RASGEF1B: variants seen among roughly 807,000 people sequenced by gnomAD.
The protein encoded by RASGEF1B is ras-GEF domain-containing family member 1B.
RASGEF1B carries 30 observed loss-of-function variants against 65.7 expected under a neutral mutation model. That is an observed-to-expected ratio of 0.46 (90% CI 0.34 to 0.62). The LOEUF (loss-of-function observed/expected upper bound fraction) is 0.62, where lower values mean the gene tolerates loss of function less well. RASGEF1B is among the 20% of genes least tolerant of loss of function. RASGEF1B has a pLI of 0.01. For synonymous variants in RASGEF1B, 175 were observed against 194.8 expected (o/e 0.90, Z 0.85); for missense variants, 495 against 580.1 (o/e 0.85, Z 1.51).
chr4:81,470,803 CAG>C (rs1222838787), intron 1 of RASGEF1B, among the ~76,000 whole-genome samples: 1 of 152,154 alleles, frequency 6.6e-6, no homozygotes, highest in Non-Finnish European at 1.5e-5. Flanking sequence ...TCGGCAGTGT[CAG>C]AGGATTAAGC....
chr4:81,461,395 A>T (rs1361941048), intron 1 of RASGEF1B, among the ~76,000 whole-genome samples: 1 of 152,244 alleles, frequency 6.6e-6, no homozygotes, highest in Non-Finnish European at 1.5e-5. Flanking sequence ...TGTCCTTCAC[A>T]TGCAGCATGA....
At chr4:81,450,624 C>T (rs367614676) in intron 4 of RASGEF1B, among the ~76,000 whole-genome samples, 1 of 151,980 alleles carries the variant, frequency 6.6e-6, no homozygotes, top group Non-Finnish European at 1.5e-5. Flanking sequence ...AGGATGGTCT[C>T]GAACTCCTGA....
intron 1 of RASGEF1B, among the ~76,000 whole-genome samples, chr4:81,468,596 C>A (rs1036497771): frequency 2.0e-5 from 3 of 152,092 alleles, no homozygotes; most frequent in Non-Finnish European, 1.5e-5. Flanking sequence ...TGACACCAAT[C>A]TTTTTGATAA....
intron 4 of RASGEF1B, among the ~76,000 whole-genome samples, chr4:81,450,533 T>TTTG (rs3044364): frequency 0.45 from 68,041 of 150,882 alleles, 18,047 homozygotes; most frequent in African/African-American, 0.75. Context: ...ACCCAGCTAA[T>TTTG]TTGTTGTTGT....
intron 10 of RASGEF1B, among the ~76,000 whole-genome samples, chr4:81,435,649 TA>T (rs1275175142): frequency 6.8e-6 from 1 of 147,184 alleles, no homozygotes; most frequent in Non-Finnish European, 1.5e-5. Flanking sequence ...TTTTTTTTTG[TA>T]TTTTTTAGTA....
chr4:81,434,752 T>C lies in RASGEF1B; in HGVS notation c.1105-18A>G, dbSNP rs1164494269. ...ATCACAATCTAGAGGAAACAAAAGA[T>C]TCTGGTTGGTCTGGGCAAACAAATA... On this transcript the variant is annotated intron_variant, in intron 10 of 13. Coordinates refer to ENST00000264400, the MANE Select transcript of RASGEF1B (RefSeq NM_152545.3). The C allele has an allele frequency of 1.5e-6, 2 of 1,338,176 alleles. No individual in the cohort carries two copies. Among genetic ancestry groups the C allele is most frequent in the African/African-American group, 2.9e-5 (2 of 69,302 alleles). The allele number at this position is 1,338,176 out of a possible 1,614,324, so 82.9% of individuals were successfully genotyped here.
chr4:81,429,908 C>T (rs1033348416), intron 13 of RASGEF1B, among the ~76,000 whole-genome samples: 3 of 152,186 alleles, frequency 2.0e-5, no homozygotes, highest in African/African-American at 7.2e-5. Context: ...CGGGACGAGG[C>T]GAAGTTTGGC....
intron 5 of RASGEF1B, 52 bp downstream of exon 5, chr4:81,448,017 C>T: frequency 6.6e-7 from 1 of 1,514,406 alleles, no homozygotes; most frequent in Non-Finnish European, 9.2e-7. Flanking sequence ...GTCTGGTTGC[C>T]AAAGCAAAGC....
intron 6 of RASGEF1B, among the ~76,000 whole-genome samples, chr4:81,447,099 C>A (rs753462572): frequency 9.2e-5 from 14 of 152,334 alleles, no homozygotes; most frequent in Middle Eastern, 6.8e-3. Context: ...GCCCCTTGCT[C>A]AGCAAGCTGG....
At chr4:81,465,084 C>CAAA (rs113774656) in intron 1 of RASGEF1B, among the ~76,000 whole-genome samples, 1 of 91,788 alleles carries the variant, frequency 1.1e-5, no homozygotes, top group Non-Finnish European at 2.4e-5. Flanking sequence ...AACTCCATCT[C>CAAA]AAAAAAAAAA....
intron 1 of RASGEF1B, among the ~76,000 whole-genome samples, chr4:81,467,172 A>G (rs1300699992): frequency 6.6e-6 from 1 of 152,194 alleles, no homozygotes; most frequent in Non-Finnish European, 1.5e-5. Flanking sequence ...TCTCGCAATG[A>G]AACAGTGATA....
At chr4:81,438,521 A>G (rs1721722615) in intron 10 of RASGEF1B, among the ~76,000 whole-genome samples, 1 of 152,242 alleles carries the variant, frequency 6.6e-6, no homozygotes, top group South Asian at 2.1e-4. Context: ...TTTGAGCCCA[A>G]CTGTAAAAAG....
intron 1 of RASGEF1B, among the ~76,000 whole-genome samples, chr4:81,470,274 A>T (rs1021865147): frequency 6.6e-5 from 10 of 152,314 alleles, no homozygotes; most frequent in Admixed American, 2.0e-4. Context: ...TCATGGGACC[A>T]GTTATTTTCA....
rs760715662 is a variant in RASGEF1B, at chr4:81,466,937, TAAAAAAA to T, written c.-7+4826_-7+4832del. On this transcript the variant is annotated intron_variant, in intron 1 of 13. Transcript: ENST00000264400. Reference sequence around the variant, plus strand: ...AATGCTACACCTCTGCTTACCTCCTTAAAAAAAAAAAAAAAAAAGAAAAAAAAGGTAT... The same window carrying T: ...AATGCTACACCTCTGCTTACCTCCTTAAAAAAAAAAAGAAAAAAAAGGTAT... 4.2e-5 allele frequency among the ~76,000 whole-genome samples: 4 copies of T among 94,702 alleles called. 1 individual carries two copies. Among genetic ancestry groups the T allele is most frequent in the African/African-American group, 1.7e-4 (4 of 23,510 alleles). The allele number at this position is 94,702 out of a possible 152,430, so 62.1% of individuals were successfully genotyped here.
rs559047315 is a variant in RASGEF1B at position 81,434,991 on chromosome 4, T to A, written c.1105-257A>T. ...AATAGGTTAGTACTTTTATTACAAT[T>A]TTTCCTATTTTTCTCATTGCAGTAG... is the stretch of plus-strand genomic sequence containing the variant. On this transcript the variant is annotated intron_variant, in intron 10 of 13. Coordinates refer to ENST00000264400, the MANE Select transcript of RASGEF1B (RefSeq NM_152545.3). 1.6e-4 allele frequency among the ~76,000 whole-genome samples: 24 copies of A among 152,314 alleles called. 1 individual carries two copies. The South Asian group carries it at 5.0e-3, about 32-fold the overall frequency.
intron 1 of RASGEF1B, chr4:81,471,184 C>G (rs567311482): frequency 6.6e-6 from 1 of 152,314 alleles, no homozygotes; most frequent in African/African-American, 2.4e-5. Flanking sequence ...GTTCCCTTGT[C>G]CCTTCCTACG....
chr4:81,458,811 A>G (rs1339242659), intron 2 of RASGEF1B, among the ~76,000 whole-genome samples: 3 of 152,240 alleles, frequency 2.0e-5, no homozygotes, highest in Non-Finnish European at 4.4e-5. Flanking sequence ...AATTCCCTAG[A>G]TTAGAAAGTG....
At chr4:81,431,720 G>T (rs1043618695) in intron 13 of RASGEF1B, among the ~76,000 whole-genome samples, 1 of 152,288 alleles carries the variant, frequency 6.6e-6, no homozygotes, top group African/African-American at 2.4e-5. Context: ...ACCCTGGGCT[G>T]CTTTTGCCTA....
chr4:81,447,622 A>G (rs751352980), intron 5 of RASGEF1B, 44 bp from the exon 6 acceptor site: 1 of 1,452,578 alleles, frequency 6.9e-7, no homozygotes, highest in South Asian at 1.1e-5. Context: ...AAGAAAATGA[A>G]AAGAAATGGA....
Sources: gnomAD v4.1 joint callset for allele counts (sites outside exome capture counted in the v4.1 genomes callset) on GRCh38, gnomAD v4.1.1 for gene constraint, MANE v1.5 for transcripts, NCBI Gene and HGNC (gene_info 2026-07-23, HGNC 2026-07-21) for gene names.